Variants in PCDH9 observed in about 807,000 individuals in gnomAD.
The protein encoded by PCDH9 is protocadherin 9, also known as protocadherin-9.
In PCDH9, 24 loss-of-function variants were observed where a neutral mutation model predicts 70.6. That is an observed-to-expected ratio of 0.34 (90% CI 0.25 to 0.48). The LOEUF is 0.48. PCDH9 is among the 20% of genes least tolerant of loss of function. The probability of loss-of-function intolerance (pLI) is 0.99; values close to 1 mark genes in which losing one functional copy is unlikely to be tolerated. For missense variants in PCDH9, 1,281 were observed against 1,503.6 expected (o/e 0.85, Z 2.45); for synonymous variants, 562 against 558.5 (o/e 1.01, Z -0.09).
intron 2 of PCDH9, among the ~76,000 whole-genome samples, chr13:67,100,066 T>C (rs939409413): frequency 2.0e-5 from 3 of 152,164 alleles, no homozygotes; most frequent in Non-Finnish European, 4.4e-5. Context: ...ACTAAGTCTA[T>C]GGGTTTTTGT....
In PCDH9 at chr13:66,552,685, A is replaced by T. The variant is rs142749730; in HGVS notation, c.3340+78525T>A. On this transcript the variant is annotated intron_variant, in intron 4 of 4. Transcript: ENST00000377865. ...TAAATACTTTGGGGGGAAATCACAC[A>T]TATAAAAATCAACATAATGTGTTTG... 2.0e-4 allele frequency among the ~76,000 whole-genome samples: 31 copies of T among 152,292 alleles called. 1 individual carries two copies. In the East Asian group the frequency reaches 5.8e-3, roughly 28 times the overall value.
chr13:66,471,621 T>A (rs974270144), intron 4 of PCDH9, among the ~76,000 whole-genome samples: 4 of 152,222 alleles, frequency 2.6e-5, no homozygotes, highest in South Asian at 2.1e-4. Context: ...ATGCATTTAA[T>A]CATTAATAAT....
chr13:66,460,379 G>A (rs564039033), intron 4 of PCDH9, among the ~76,000 whole-genome samples: 2 of 151,888 alleles, frequency 1.3e-5, no homozygotes, highest in Non-Finnish European at 1.5e-5. Context: ...ATGCAGGAAT[G>A]AATTCTGCAC....
intron 4 of PCDH9, among the ~76,000 whole-genome samples, chr13:66,616,484 C>CTTTTTTTTTTTTTTTTTTT (rs60587237): frequency 8.6e-6 from 1 of 116,672 alleles, no homozygotes; most frequent in African/African-American, 3.2e-5. Context: ...TTCTAAAATT[C>CTTTTTTTTTTTTTTTTTTT]TTTTTTTTTT....
intron 4 of PCDH9, among the ~76,000 whole-genome samples, chr13:66,411,864 C>G (rs1231679966): frequency 6.6e-6 from 1 of 152,096 alleles, no homozygotes; most frequent in African/African-American, 2.4e-5. Context: ...CAAAGAATAT[C>G]AAAATCCAAC....
chr13:67,149,286 G>A (rs547425003), intron 2 of PCDH9, among the ~76,000 whole-genome samples: 32 of 152,110 alleles, frequency 2.1e-4, no homozygotes, highest in African/African-American at 1.7e-4. Context: ...TGTTGCTGAC[G>A]GCCTGAGCTG....
intron 3 of PCDH9, among the ~76,000 whole-genome samples, chr13:66,657,790 T>C (rs902917955): frequency 6.6e-6 from 1 of 152,182 alleles, no homozygotes; most frequent in African/African-American, 2.4e-5. Flanking sequence ...CTTACAAGGA[T>C]TACCTGTTTA....
intron 3 of PCDH9, among the ~76,000 whole-genome samples, chr13:66,849,486 G>GTATATATA (rs144181181): frequency 1.4e-4 from 13 of 90,262 alleles, no homozygotes; most frequent in East Asian, 1.3e-3. Flanking sequence ...TCATAGGTAG[G>GTATATATA]TATATATATA....
chr13:67,161,586 T>A (rs1242723787), intron 2 of PCDH9, among the ~76,000 whole-genome samples: 2 of 152,226 alleles, frequency 1.3e-5, no homozygotes, highest in Non-Finnish European at 2.9e-5. Context: ...AGTAAGTTAG[T>A]TTCTGCAGGT....
intron 2 of PCDH9, among the ~76,000 whole-genome samples, chr13:67,141,133 A>T (rs1033986726): frequency 3.3e-5 from 5 of 152,220 alleles, no homozygotes; most frequent in Non-Finnish European, 7.3e-5. Flanking sequence ...GAATGGCTTT[A>T]TCATTTTGTT....
At chr13:66,939,424 ATGTGTGTG>A (rs57997772) in intron 2 of PCDH9, among the ~76,000 whole-genome samples, 28,416 of 147,980 alleles carry the variant, frequency 0.19, 2,938 homozygotes, top group East Asian at 0.5. Flanking sequence ...TTTAAAATAT[ATGTGTGTG>A]TGTGTGTGTG....
At chr13:66,875,331 A>G (rs961467362) in intron 3 of PCDH9, among the ~76,000 whole-genome samples, 2 of 152,226 alleles carry the variant, frequency 1.3e-5, no homozygotes, top group African/African-American at 4.8e-5. Context: ...CATATTAGAT[A>G]TAGATCCACA....
At chr13:66,548,119 C>G (rs1049165695) in intron 4 of PCDH9, among the ~76,000 whole-genome samples, 2 of 151,368 alleles carry the variant, frequency 1.3e-5, no homozygotes, top group African/African-American at 2.4e-5. Flanking sequence ...TTGTGGTATG[C>G]CAAAACTTAA....
At chr13:66,685,372 C>A (rs557446254) in intron 3 of PCDH9, among the ~76,000 whole-genome samples, 4 of 152,314 alleles carry the variant, frequency 2.6e-5, no homozygotes, top group Non-Finnish European at 5.9e-5. Flanking sequence ...TGCAAGTGCA[C>A]CGAAGTCAAA....
At chr13:66,485,718 T>G (rs1461987239) in intron 4 of PCDH9, among the ~76,000 whole-genome samples, 2 of 152,140 alleles carry the variant, frequency 1.3e-5, no homozygotes, top group Admixed American at 1.3e-4. Flanking sequence ...TTCATTTTAT[T>G]TATTCATTTA....
rs1164527492 is a variant in PCDH9 at position 66,651,424 on chromosome 13, A to G, written c.3139-20013T>C. Among the ~76,000 whole-genome samples, 15 of 152,132 alleles carry G rather than the reference A, an allele frequency of 9.9e-5. No individual in the cohort carries two copies. The East Asian group carries it at 2.7e-3, about 27-fold the overall frequency. ...CTAGAGGAAATGAATAAATTCCCAG[A>G]CACATACAACCTACAAAGATTGAAC... On this transcript the variant is annotated intron_variant, in intron 3 of 4. Coordinates refer to ENST00000377865, the MANE Select transcript of PCDH9 (RefSeq NM_203487.3).
At chr13:66,870,928 C>A (rs1170790390) in intron 3 of PCDH9, among the ~76,000 whole-genome samples, 1 of 152,134 alleles carries the variant, frequency 6.6e-6, no homozygotes, top group Non-Finnish European at 1.5e-5. Flanking sequence ...GCTATAAAGA[C>A]ACATGCACAC....
intron 2 of PCDH9, among the ~76,000 whole-genome samples, chr13:67,091,119 A>G (rs1311194401): frequency 6.6e-6 from 1 of 152,066 alleles, no homozygotes; most frequent in African/African-American, 2.4e-5. Flanking sequence ...AAAATGTTTC[A>G]CTTTGTTTCT....
intron 2 of PCDH9, among the ~76,000 whole-genome samples, chr13:67,009,789 GT>G (rs896228331): frequency 8.9e-4 from 134 of 150,468 alleles, no homozygotes; most frequent in African/African-American, 3.0e-3. Context: ...ATTTAGTTAA[GT>G]TTTTTTTTGC....
Sources: allele counts gnomAD v4.1 joint callset (sites outside exome capture counted in the v4.1 genomes callset), GRCh38; gene constraint gnomAD v4.1.1; transcripts MANE v1.5; gene names NCBI Gene and HGNC (gene_info 2026-07-23, HGNC 2026-07-21).